SPATA13: variants seen among roughly 807,000 people sequenced by gnomAD.
The protein encoded by SPATA13 is spermatogenesis associated 13.
SPATA13 carries 50 observed loss-of-function variants against 104.0 expected under a neutral mutation model. That is an observed-to-expected ratio of 0.48 (90% confidence interval 0.38 to 0.61). The LOEUF (loss-of-function observed/expected upper bound fraction) is 0.61. Among genes scored for constraint, SPATA13 ranks in the 20% least tolerant of loss-of-function variants. The pLI, the probability that SPATA13 is intolerant of heterozygous loss-of-function variation, is 0.00. For missense variants in SPATA13, 1,524 were observed against 1,690.6 expected, an observed-to-expected ratio of 0.90 and a Z score of 1.73; for synonymous variants, 606 against 667.5, an observed-to-expected ratio of 0.91 and a Z score of 1.42.
intron 1 of SPATA13, among the ~76,000 whole-genome samples, chr13:24,196,874 C>T (rs1168724387): frequency 6.6e-6 from 1 of 151,482 alleles, no homozygotes; most frequent in Non-Finnish European, 1.5e-5. Flanking sequence ...AGCATGATTT[C>T]TAACACTCTA....
At chr13:24,131,464 C>T (rs899174384) in intron 3 of SPATA13, among the ~76,000 whole-genome samples, 4 of 152,146 alleles carry the variant, frequency 2.6e-5, no homozygotes, top group Non-Finnish European at 4.4e-5. Flanking sequence ...CCTCAGAATC[C>T]TCCAAGGGCA....
chr13:24,002,476 C>T (rs1447875555), intron 2 of SPATA13, among the ~76,000 whole-genome samples: 2 of 152,108 alleles, frequency 1.3e-5, no homozygotes, highest in Non-Finnish European at 2.9e-5. Context: ...AGTAGAGGAG[C>T]TGGTGGTGGT....
At chr13:23,993,444 T>C (rs1048432670) in intron 2 of SPATA13, among the ~76,000 whole-genome samples, 1 of 152,254 alleles carries the variant, frequency 6.6e-6, no homozygotes, top group Non-Finnish European at 1.5e-5. Flanking sequence ...TTCCCTTGTC[T>C]GCACATTTAC....
At chr13:24,046,203 G>A (rs1354897527) in intron 3 of SPATA13, among the ~76,000 whole-genome samples, 2 of 151,940 alleles carry the variant, frequency 1.3e-5, no homozygotes, top group African/African-American at 4.8e-5. Context: ...TTAAGAAACA[G>A]CCTCAGAAAT....
rs3075296 is a variant in SPATA13 at position 24,082,826 on chromosome 13, CAAAAAAAAAAAAAA to C, written c.-112+65140_-112+65153del. On this transcript the variant is annotated intron_variant, in intron 3 of 14. Coordinates refer to the SPATA13 transcript ENST00000424834. ...TGGGCGACAGAGCGAGACTCCGTCT[CAAAAAAAAAAAAAA>C]AAAAAAAAAAAAAATAAGATCTTTG... Among the ~76,000 whole-genome samples the C allele has an allele frequency of 8.2e-4, 41 of 50,052 alleles. No homozygotes were observed. The Admixed American group carries it at 0.012, about 15-fold the overall frequency. 32.8% of individuals were successfully genotyped at this position (50,052 alleles called of 152,430 possible). A position where few individuals can be genotyped will look rare whatever the true frequency, so the allele number is the denominator to read the frequency against.
chr13:24,175,220 CTTGT>C (rs1883166081), intron 1 of SPATA13, among the ~76,000 whole-genome samples: 1 of 143,054 alleles, frequency 7.0e-6, no homozygotes, highest in South Asian at 2.3e-4. Context: ...AGTAGTGATG[CTTGT>C]TTTTTTGTTT....
At chr13:24,089,495 A>G (rs960327656) in intron 3 of SPATA13, among the ~76,000 whole-genome samples, 5 of 152,226 alleles carry the variant, frequency 3.3e-5, no homozygotes, top group Non-Finnish European at 7.3e-5. Context: ...CCGGTTCTGT[A>G]TCTGATGGAG....
chr13:24,167,944 A>G (rs1392196265), intron 1 of SPATA13, among the ~76,000 whole-genome samples: 1 of 152,150 alleles, frequency 6.6e-6, no homozygotes, highest in African/African-American at 2.4e-5. Flanking sequence ...GGAGACATAA[A>G]CATGTTTCTC....
chr13:24,294,588 G>T (rs1344654459), intron 9 of SPATA13, 151 bp from the exon 10 acceptor site: 81 of 769,128 alleles, frequency 1.1e-4, no homozygotes, highest in Non-Finnish European at 1.4e-4. Flanking sequence ...TATTCACAAG[G>T]GAACAAGAAA....
intron 4 of SPATA13, among the ~76,000 whole-genome samples, chr13:24,283,253 C>T (rs1875683590): frequency 6.6e-6 from 1 of 152,208 alleles, no homozygotes; most frequent in African/African-American, 2.4e-5. Context: ...TGGCTGCAGT[C>T]ATCAGAATTC....
At chr13:24,220,871 C>CG (rs1287668396) in intron 1 of SPATA13, among the ~76,000 whole-genome samples, 1 of 152,142 alleles carries the variant, frequency 6.6e-6, no homozygotes, top group African/African-American at 2.4e-5. Flanking sequence ...GAACATGGGG[C>CG]GTAGGAGCAG....
chr13:24,029,028 GT>G (rs533128922), intron 3 of SPATA13, among the ~76,000 whole-genome samples: 1 of 151,882 alleles, frequency 6.6e-6, no homozygotes, highest in East Asian at 1.9e-4. Flanking sequence ...CTCGTATGTG[GT>G]TTTTTTGTTG....
At chr13:23,988,448 T>A (rs1018096176) in intron 2 of SPATA13, among the ~76,000 whole-genome samples, 2 of 152,250 alleles carry the variant, frequency 1.3e-5, no homozygotes, top group Non-Finnish European at 2.9e-5. Flanking sequence ...TTTCAGTTTT[T>A]TCCATGCTTC....
intron 2 of SPATA13, among the ~76,000 whole-genome samples, chr13:24,013,408 G>T (rs1385565828): frequency 6.6e-6 from 1 of 152,064 alleles, no homozygotes; most frequent in Non-Finnish European, 1.5e-5. Flanking sequence ...CCAGCTCTGG[G>T]GCCCATGGGC....
At position 24,223,915 on chromosome 13, in the gene SPATA13, A is replaced by C. The variant is rs1330015078; in HGVS notation, c.986A>C (p.Glu329Ala). 42 of 1,551,494 alleles carry C rather than the reference A, an allele frequency of 2.7e-5. No homozygotes were observed. The highest frequency in any genetic ancestry group is 3.6e-5 in the Non-Finnish European group (41 of 1,146,968). Reference protein sequence around the residue: ...RVFKLVSNVTEAAWRRESPRS... With the variant: ...RVFKLVSNVTAAAWRRESPRS... Reference sequence around the variant, plus strand: ...TTCAAACTTGTGAGCAATGTGACTGAGGCTGCCTGGAGGAGGGAGAGTCCT... The same window carrying C: ...TTCAAACTTGTGAGCAATGTGACTGCGGCTGCCTGGAGGAGGGAGAGTCCT... Residue 329 changes from glutamate to alanine, a missense_variant, in exon 2 of 13, where the codon GAG (glutamate) becomes GCG (alanine). Physicochemically the swap from Glu to Ala is moderately radical, Grantham distance 107 (BLOSUM62 -1). Transcript: ENST00000382108.
intron 3 of SPATA13, among the ~76,000 whole-genome samples, chr13:24,065,987 T>A (rs1187071991): frequency 6.6e-6 from 1 of 152,250 alleles, no homozygotes; most frequent in African/African-American, 2.4e-5. Context: ...TTTCTAGGGC[T>A]GTTGTAAAGG....
intron 3 of SPATA13, among the ~76,000 whole-genome samples, chr13:24,145,294 A>G (rs1422454977): frequency 6.6e-6 from 1 of 152,218 alleles, no homozygotes; most frequent in Non-Finnish European, 1.5e-5. Context: ...TCATTTTTCT[A>G]TTGAAGGTAT....
intron 2 of SPATA13, among the ~76,000 whole-genome samples, chr13:24,010,893 C>T (rs1256896131): frequency 6.6e-6 from 1 of 151,688 alleles, no homozygotes; most frequent in African/African-American, 2.4e-5. Flanking sequence ...AATGGTTTGC[C>T]ATTCCAGCAT....
At chr13:24,064,711 ACT>A (rs1312232899) in intron 3 of SPATA13, among the ~76,000 whole-genome samples, 1 of 152,170 alleles carries the variant, frequency 6.6e-6, no homozygotes, top group Non-Finnish European at 1.5e-5. Context: ...AGTCTATGGT[ACT>A]TTGTTACAGC....
Sources: gnomAD v4.1 joint callset for allele counts (sites outside exome capture counted in the v4.1 genomes callset) on GRCh38, gnomAD v4.1.1 for gene constraint, MANE v1.5 for transcripts, NCBI Gene and HGNC (gene_info 2026-07-23, HGNC 2026-07-21) for gene names.